Variants in SEPTIN9 observed in about 807,000 individuals in gnomAD.
The protein encoded by SEPTIN9 is septin 9.
Under a neutral mutation model 56.6 loss-of-function variants are expected in SEPTIN9, and 13 were observed. The observed-to-expected ratio is 0.23, with a 90% CI of 0.15 to 0.37. The LOEUF (loss-of-function observed/expected upper bound fraction) is 0.37. Ranked by LOEUF, SEPTIN9 falls within the 10% of genes least tolerant of loss-of-function variation. The pLI, the probability that SEPTIN9 is intolerant of heterozygous loss-of-function variation, is 1.00. For synonymous variants in SEPTIN9, 332 were observed against 334.1 expected (o/e 0.99, Z 0.07); for missense variants, 650 against 823.1 (o/e 0.79, Z 2.57).
chr17:77,341,784 C>CAAAA (rs34170928), intron 2 of SEPTIN9, among the ~76,000 whole-genome samples: 3 of 113,456 alleles, frequency 2.6e-5, no homozygotes, highest in Non-Finnish European at 5.3e-5. Context: ...GACTCCATCT[C>CAAAA]AAAAAAAAAA....
At chr17:77,426,127 C>A (rs554634111) in intron 3 of SEPTIN9, among the ~76,000 whole-genome samples, 1 of 152,180 alleles carries the variant, frequency 6.6e-6, no homozygotes, top group East Asian at 1.9e-4. Context: ...CAGCACCCCG[C>A]CCCCCACCTC....
At chr17:77,442,937 A>T (rs1310152193) in intron 3 of SEPTIN9, among the ~76,000 whole-genome samples, 1 of 152,012 alleles carries the variant, frequency 6.6e-6, no homozygotes, top group Non-Finnish European at 1.5e-5. Flanking sequence ...TGGAAAGATA[A>T]ATAGGCCCTT....
At position 77,330,740 on chromosome 17, in the gene SEPTIN9, G is replaced by A. The variant is rs906573491; in HGVS notation, c.76+23543G>A. Among the ~76,000 whole-genome samples the A allele has an allele frequency of 3.9e-5, 6 of 152,266 alleles. No individual in the cohort carries two copies. The highest frequency in any genetic ancestry group is 1.2e-4 in the African/African-American group (5 of 41,470). On this transcript the variant is annotated intron_variant, in intron 2 of 11. Coordinates refer to ENST00000427177, the MANE Select transcript of SEPTIN9 (RefSeq NM_001113491.2). This position sits in a 1 kb window ranked among gnomAD's most constrained non-coding sequence, Gnocchi z 4.4. ...CACGGGGACTGGGGGAGAGGCACAGGCATGCCTGTCCGGCAGCAGAAGGGA... is the reference window on the plus strand; with the variant it reads ...CACGGGGACTGGGGGAGAGGCACAGACATGCCTGTCCGGCAGCAGAAGGGA...
intron 2 of SEPTIN9, among the ~76,000 whole-genome samples, chr17:77,335,767 C>T (rs1232328634): frequency 2.5e-5 from 1 of 39,452 alleles, no homozygotes; most frequent in Non-Finnish European, 4.7e-5. Flanking sequence ...AGTATATGTA[C>T]ATATATACAT....
At position 77,329,421 on chromosome 17, in the gene SEPTIN9, C is replaced by T. The variant is rs1046128732; in HGVS notation, c.76+22224C>T. Among the ~76,000 whole-genome samples the T allele has an allele frequency of 2.0e-5, 3 of 152,286 alleles. No individual in the cohort carries two copies. Among genetic ancestry groups the T allele is most frequent in the South Asian group, 2.1e-4 (1 of 4,824 alleles). ...TGCCCTGTGCTGCCCTGGTGGCTGC[C>T]GGCTTTAGGAGGAGCGCTTTTGGTG... On this transcript the variant is annotated intron_variant, in intron 2 of 11. Transcript: ENST00000427177. This position sits in a 1 kb window ranked among gnomAD's most constrained non-coding sequence, Gnocchi z 4.3.
At chr17:77,486,172 A>G (rs1246060047) in intron 4 of SEPTIN9, among the ~76,000 whole-genome samples, 4 of 151,624 alleles carry the variant, frequency 2.6e-5, no homozygotes, top group African/African-American at 9.7e-5. Context: ...CAATGATCCT[A>G]GCTCACTGCA....
At chr17:77,342,088 C>T (rs184442833) in intron 2 of SEPTIN9, among the ~76,000 whole-genome samples, 1 of 142,124 alleles carries the variant, frequency 7.0e-6, no homozygotes, top group Admixed American at 7.1e-5. Context: ...AAAAAAAAAA[C>T]AAAGAAAGAA....
At chr17:77,360,485 A>C (rs1351110838) in intron 2 of SEPTIN9, among the ~76,000 whole-genome samples, 7 of 151,980 alleles carry the variant, frequency 4.6e-5, no homozygotes, top group African/African-American at 1.2e-4. Context: ...ACACCACAGG[A>C]ATTGGCAAAC....
At chr17:77,452,798 C>G (rs1463724796) in intron 3 of SEPTIN9, among the ~76,000 whole-genome samples, 1 of 151,376 alleles carries the variant, frequency 6.6e-6, no homozygotes, top group Non-Finnish European at 1.5e-5. Flanking sequence ...GAATGTCATT[C>G]TCTTTGGCCA....
chr17:77,491,863 C>T (rs972246201), intron 8 of SEPTIN9, among the ~76,000 whole-genome samples: 1 of 151,698 alleles, frequency 6.6e-6, no homozygotes, highest in African/African-American at 2.4e-5. Flanking sequence ...CCTTCTTCTC[C>T]GCCACCGTCT....
At chr17:77,342,407 A>T (rs2060550) in intron 2 of SEPTIN9, among the ~76,000 whole-genome samples, 3 of 152,030 alleles carry the variant, frequency 2.0e-5, no homozygotes, top group Admixed American at 6.5e-5. Flanking sequence ...CCCTCTCATC[A>T]GCAGCCTGGC....
chr17:77,428,716 C>T (rs528963988), intron 3 of SEPTIN9, among the ~76,000 whole-genome samples: 1 of 152,230 alleles, frequency 6.6e-6, no homozygotes, highest in South Asian at 2.1e-4. Flanking sequence ...TTGGCAGCTT[C>T]AGGCACAGGC....
At chr17:77,480,101 A>G (rs1209357662) in intron 3 of SEPTIN9, among the ~76,000 whole-genome samples, 3 of 152,064 alleles carry the variant, frequency 2.0e-5, no homozygotes, top group African/African-American at 7.2e-5. Flanking sequence ...CAGAGAGAGG[A>G]GCCCTGGCCT....
At chr17:77,414,402 A>G (rs1473476488) in intron 3 of SEPTIN9, among the ~76,000 whole-genome samples, 1 of 152,028 alleles carries the variant, frequency 6.6e-6, no homozygotes, top group African/African-American at 2.4e-5. Context: ...GCATAATTCC[A>G]TGGTTTTCAG....
chr17:77,355,705 G>A (rs565961275), intron 2 of SEPTIN9, among the ~76,000 whole-genome samples: 3 of 152,176 alleles, frequency 2.0e-5, no homozygotes, highest in South Asian at 2.1e-4. Flanking sequence ...CTCCCTGGCC[G>A]GGCGCGGTGG....
At position 77,445,913 on chromosome 17, in the gene SEPTIN9, T is replaced by C. The variant is rs150851889; in HGVS notation, c.722-36231T>C. ...CTTGAAGGGGGCACTTTCTCAGCTT[T>C]GAGATGAGTCTCTGTGGATGTGGGA... On this transcript the variant is annotated intron_variant, in intron 3 of 11. Coordinates refer to ENST00000427177, the MANE Select transcript of SEPTIN9 (RefSeq NM_001113491.2). The surrounding 1 kb of genome is among the most constrained non-coding windows in gnomAD (Gnocchi z 4.7). The C allele has an allele frequency of 1.6e-3, 278 of 174,742 alleles. No individual in the cohort carries two copies. Among genetic ancestry groups the C allele is most frequent in the African/African-American group, 5.9e-3 (247 of 41,726 alleles). 10.8% of individuals were successfully genotyped at this position (174,742 alleles called of 1,614,324 possible).
At chr17:77,376,719 T>C (rs922064061) in intron 2 of SEPTIN9, 2 of 152,140 alleles carry the variant, frequency 1.3e-5, no homozygotes, top group African/African-American at 2.4e-5. Context: ...AAGAGGCAGG[T>C]GCCCAGGCCG....
intron 3 of SEPTIN9, among the ~76,000 whole-genome samples, chr17:77,418,295 G>A (rs1408128040): frequency 6.6e-6 from 1 of 152,178 alleles, no homozygotes; most frequent in Non-Finnish European, 1.5e-5. Flanking sequence ...AGGCAGCCCA[G>A]CCCCACGGCC....
chr17:77,454,033 T>C, intron 3 of SEPTIN9: 1 of 953,390 alleles, frequency 1.0e-6, no homozygotes, highest in Non-Finnish European at 1.2e-6. Flanking sequence ...GTTTAGGGCT[T>C]CCGCCCTCTC....
Sources: gnomAD v4.1 joint callset for allele counts (sites outside exome capture counted in the v4.1 genomes callset) on GRCh38, gnomAD v4.1.1 for gene constraint, Gnocchi (gnomAD v3.1) non-coding constraint, MANE v1.5 for transcripts, NCBI Gene and HGNC (gene_info 2026-07-23, HGNC 2026-07-21) for gene names.